The following SPMAP2L variants were observed in gnomAD, a reference collection of about 807,000 sequenced individuals.
SPMAP2L encodes sperm microtubule associated protein 2-like.
At chr4:56,573,100 G>A in the SPMAP2L span, among the ~76,000 whole-genome samples, 1 of 151,906 alleles carries the variant, frequency 6.6e-6, no homozygotes, top group Non-Finnish European at 1.5e-5. Context: ...GGGAGGAGGA[G>A]AAGCACGTAA....
the SPMAP2L span, among the ~76,000 whole-genome samples, chr4:56,566,695 CTTTTTT>C: frequency 0.011 from 1,019 of 92,424 alleles, 2 homozygotes; most frequent in Middle Eastern, 0.022. Flanking sequence ...TTTTCTTTTT[CTTTTTT>C]TTTTTTTTTT....
the SPMAP2L span, among the ~76,000 whole-genome samples, chr4:56,619,736 T>C: frequency 6.6e-6 from 1 of 151,978 alleles, no homozygotes. Context: ...TACAATGAAC[T>C]AAAAAGCTTC....
chr4:56,549,208 C>T, the SPMAP2L span, among the ~76,000 whole-genome samples: 1 of 152,012 alleles, frequency 6.6e-6, no homozygotes, highest in Non-Finnish European at 1.5e-5. Flanking sequence ...AGGATGGTCT[C>T]GATCTCCTGA....
At chr4:56,623,884 A>G in the SPMAP2L span, among the ~76,000 whole-genome samples, 1 of 152,182 alleles carries the variant, frequency 6.6e-6, no homozygotes, top group Non-Finnish European at 1.5e-5. Context: ...AATACAGTAA[A>G]TTGGTACCAG....
chr4:56,570,155 C>T, the SPMAP2L span, among the ~76,000 whole-genome samples: 1 of 152,154 alleles, frequency 6.6e-6, no homozygotes, highest in Non-Finnish European at 1.5e-5. Flanking sequence ...CAGCCTAGGT[C>T]TCAGCTTTTC....
the SPMAP2L span, among the ~76,000 whole-genome samples, chr4:56,600,424 G>T: frequency 6.6e-6 from 1 of 152,086 alleles, no homozygotes; most frequent in Non-Finnish European, 1.5e-5. Flanking sequence ...CTCCTGAGTA[G>T]CTGGGATTAC....
the SPMAP2L span, among the ~76,000 whole-genome samples, chr4:56,569,726 G>C: frequency 1.3e-5 from 2 of 152,142 alleles, no homozygotes; most frequent in Admixed American, 1.3e-4. Flanking sequence ...AGGATCACTT[G>C]AGCCTGGGAG....
At chr4:56,612,021 G>A in the SPMAP2L span, among the ~76,000 whole-genome samples, 15 of 152,150 alleles carry the variant, frequency 9.9e-5, no homozygotes, top group East Asian at 9.6e-4. Flanking sequence ...TAGCCTGTGC[G>A]TGCTCCCATT....
chr4:56,583,143 G>A, the SPMAP2L span, among the ~76,000 whole-genome samples: 2 of 151,986 alleles, frequency 1.3e-5, no homozygotes, highest in South Asian at 2.1e-4. Flanking sequence ...GCATGGTGGT[G>A]TGTGCCTGTA....
chr4:56,581,879 G>A, the SPMAP2L span, among the ~76,000 whole-genome samples: 68 of 152,226 alleles, frequency 4.5e-4, no homozygotes, highest in South Asian at 1.2e-3. Flanking sequence ...ACATTTATGG[G>A]CAATTGATTT....
the SPMAP2L span, among the ~76,000 whole-genome samples, chr4:56,541,660 C>T: frequency 8.1e-4 from 124 of 152,210 alleles, 1 homozygote; most frequent in Middle Eastern, 6.8e-3. Flanking sequence ...TTTTGGGCAT[C>T]CTGTAGGACA....
At chr4:56,537,708 T>C in the SPMAP2L span, among the ~76,000 whole-genome samples, 1 of 152,068 alleles carries the variant, frequency 6.6e-6, no homozygotes, top group Admixed American at 6.6e-5. Context: ...TTTTTTTTTT[T>C]TGAGACGAGT....
chr4:56,590,023 A>G, the SPMAP2L span, among the ~76,000 whole-genome samples: 1 of 151,884 alleles, frequency 6.6e-6, no homozygotes, highest in Non-Finnish European at 1.5e-5. Context: ...CTCTTGTCTG[A>G]TTGCTTTGGC....
chr4:56,575,239 AC>A, the SPMAP2L span, among the ~76,000 whole-genome samples: 1 of 137,712 alleles, frequency 7.3e-6, no homozygotes, highest in East Asian at 2.0e-4. Context: ...ACAGAGCGAG[AC>A]TCCATCTCAA....
At chr4:56,530,931 C>T in the SPMAP2L span, 1 of 1,535,200 alleles carries the variant, frequency 6.5e-7, no homozygotes, top group Non-Finnish European at 8.7e-7. Flanking sequence ...CCTATGAGCC[C>T]CACGCTCCCT....
the SPMAP2L span, among the ~76,000 whole-genome samples, chr4:56,588,588 C>A: frequency 6.6e-6 from 1 of 152,044 alleles, no homozygotes; most frequent in Non-Finnish European, 1.5e-5. Flanking sequence ...TGCACCACCA[C>A]GCCAGGCTAA....
chr4:56,549,070 C>T, the SPMAP2L span, among the ~76,000 whole-genome samples: 764 of 151,022 alleles, frequency 5.1e-3, 6 homozygotes, highest in African/African-American at 0.018. Flanking sequence ...CTCACTGCAA[C>T]CTCTGCCTCC....
chr4:56,588,205 C>T, the SPMAP2L span, among the ~76,000 whole-genome samples: 1 of 151,678 alleles, frequency 6.6e-6, no homozygotes, highest in South Asian at 2.1e-4. Flanking sequence ...GTTGTAGATT[C>T]TGCATATTAG....
the SPMAP2L span, among the ~76,000 whole-genome samples, chr4:56,586,347 C>T: frequency 1.3e-5 from 2 of 152,232 alleles, no homozygotes; most frequent in African/African-American, 4.8e-5. Context: ...TGTATACTCA[C>T]ATGACCTCTT....
Sources: allele counts gnomAD v4.1 joint callset (sites outside exome capture counted in the v4.1 genomes callset), GRCh38; gene constraint gnomAD v4.1.1; transcripts MANE v1.5; gene names NCBI Gene and HGNC (gene_info 2026-07-23, HGNC 2026-07-21).